The following WEE2 variants were observed in gnomAD, a reference collection of about 807,000 sequenced individuals.
The protein encoded by WEE2 is wee1-like protein kinase 2.
In WEE2, 50 loss-of-function variants were observed where a neutral mutation model predicts 60.1. That is an observed-to-expected ratio of 0.83 (90% CI 0.66 to 1.05). The LOEUF (loss-of-function observed/expected upper bound fraction) is 1.05, where lower values mean the gene tolerates loss of function less well. WEE2 is among the 50% of genes least tolerant of loss of function. The pLI is 0.00. For missense variants in WEE2, 631 were observed against 684.3 expected, an observed-to-expected ratio of 0.92 and a Z score of 0.87; for synonymous variants, 240 against 241.0, an observed-to-expected ratio of 1.00 and a Z score of 0.04.
chr7:141,721,378 C>A (rs1395259447), intron 5 of WEE2, among the ~76,000 whole-genome samples: 1 of 152,184 alleles, frequency 6.6e-6, no homozygotes, highest in Non-Finnish European at 1.5e-5. Flanking sequence ...GGTAGAGAAA[C>A]CAGAGCTTTG....
chr7:141,720,232 T>C (rs1344656129), intron 4 of WEE2, among the ~76,000 whole-genome samples: 2 of 140,866 alleles, frequency 1.4e-5, no homozygotes, highest in African/African-American at 2.6e-5. Context: ...CTTGGCTCAC[T>C]GCAACCTCTG....
At chr7:141,714,004 T>C (rs1798750833) in intron 1 of WEE2, among the ~76,000 whole-genome samples, 1 of 152,206 alleles carries the variant, frequency 6.6e-6, no homozygotes, top group South Asian at 2.1e-4. Context: ...GTTGACTTCA[T>C]GAATCAGAAT....
Position 141,725,170 on chromosome 7 carries a change from T to C in WEE2, c.1366T>C (p.Ser456Pro). Reference protein sequence around the residue: ...GNFPDVPQELSESFSSLLKNM... With the variant: ...GNFPDVPQELPESFSSLLKNM... ...CTTTCCGGACGTTCCTCAGGAGCTC[T>C]CAGAAAGCTTTTCCAGTCTGCTCAA... The change falls in exon 9 of 12, where the codon TCA becomes CCA. Residue 456 changes from serine (S) to proline (P), a missense_variant. Transcript: ENST00000397541. 6.2e-7 allele frequency: 1 copy of C among 1,614,124 alleles called. No homozygotes were observed. The highest frequency in any genetic ancestry group is 8.5e-7 in the Non-Finnish European group (1 of 1,179,994).
At chr7:141,715,016 G>A (rs957741178) in intron 2 of WEE2, among the ~76,000 whole-genome samples, 9 of 152,092 alleles carry the variant, frequency 5.9e-5, no homozygotes, top group Non-Finnish European at 8.8e-5. Flanking sequence ...GAATGGAATC[G>A]CCTCCAAAGT....
chr7:141,713,372 C>T (rs1798739660), intron 1 of WEE2, among the ~76,000 whole-genome samples: 2 of 152,164 alleles, frequency 1.3e-5, no homozygotes, highest in African/African-American at 4.8e-5. Flanking sequence ...TCCTCTGGCC[C>T]CTGACATCAG....
In WEE2 at chr7:141,719,214, C is replaced by T. The variant is rs1798860650; in HGVS notation, c.728C>T (p.Ser243Phe). Reference protein sequence around the residue: ...LDGCVYAIKRSMKTFTELSNE... With the variant: ...LDGCVYAIKRFMKTFTELSNE... ...GGATGTGTTTATGCAATAAAGCGCT[C>T]TATGAAAACTTTTACAGAATTATCA... is the stretch of plus-strand genomic sequence containing the variant. Residue 243 changes from serine to phenylalanine, a missense_variant, in exon 4 of 12, where the codon TCT (serine) becomes TTT (phenylalanine). Physicochemically the swap from Ser to Phe is radical, Grantham distance 155. Transcript: ENST00000397541. 2 of 1,609,982 alleles carry T rather than the reference C, an allele frequency of 1.2e-6. No homozygotes were observed. Among genetic ancestry groups the T allele is most frequent in the South Asian group, 1.1e-5 (1 of 90,056 alleles).
chr7:141,731,049 T>G lies in WEE2; in HGVS notation c.*729T>G, dbSNP rs970278017. ...TGAGTGGGTCAGTAGTAACAGGTCT[T>G]GGTGGCAAGTCTCAGCTTCACAGTT... On this transcript the variant is annotated 3_prime_UTR_variant, in exon 12 of 12. Coordinates refer to ENST00000397541, the MANE Select transcript of WEE2 (RefSeq NM_001105558.1). 1 of 152,170 alleles carries G rather than the reference T, an allele frequency of 6.6e-6. No individual in the cohort carries two copies. The highest frequency in any genetic ancestry group is 1.5e-5 in the Non-Finnish European group (1 of 68,036). The allele number at this position is 152,170 out of a possible 1,614,324, so 9.4% of individuals were successfully genotyped here. A position where few individuals can be genotyped will look rare whatever the true frequency, so the allele number is the denominator to read the frequency against.
At chr7:141,723,375 C>A in intron 6 of WEE2, 95 bp downstream of exon 6, 1 of 1,373,362 alleles carries the variant, frequency 7.3e-7, no homozygotes, top group Non-Finnish European at 9.9e-7. Context: ...GTGTCAAGGA[C>A]GGTGTTTGCT....
intron 1 of WEE2, 122 bp downstream of exon 1, chr7:141,709,222 T>C: frequency 1.5e-6 from 1 of 682,148 alleles, no homozygotes; most frequent in Non-Finnish European, 2.5e-6. Flanking sequence ...TATCCTCAAT[T>C]ACACATTTAT....
chr7:141,716,412 C>T, intron 3 of WEE2, 145 bp downstream of exon 3: 1 of 731,998 alleles, frequency 1.4e-6, no homozygotes, highest in Non-Finnish European at 2.3e-6. Context: ...CTCCCCTCCT[C>T]TCCTTCACCC....
At chr7:141,724,957 C>T in intron 8 of WEE2, 69 bp from the exon 9 acceptor site, 1 of 1,529,042 alleles carries the variant, frequency 6.5e-7, no homozygotes. Context: ...CCTTTCCTAC[C>T]AGTTATATTT....
chr7:141,716,120 A>T, intron 2 of WEE2, 102 bp from the exon 3 acceptor site: 1 of 1,004,214 alleles, frequency 1.0e-6, no homozygotes, highest in Non-Finnish European at 1.5e-6. Flanking sequence ...AACCGAAGAG[A>T]AATGAATTGT....
At position 141,724,002 on chromosome 7, in the gene WEE2, A is replaced by C; in HGVS notation, c.1089A>C (p.Glu363Asp). 1.2e-6 allele frequency: 2 copies of C among 1,613,674 alleles called. No homozygotes were observed. Among genetic ancestry groups the C allele is most frequent in the Non-Finnish European group, 1.7e-6 (2 of 1,179,854 alleles). ...CCTCTGGAGTCATAGAAGAAGTTGA[A>C]AATGAAGCTGATTGGTTTCTCTCTG... ...SESSGVIEEV[E>D]NEADWFLSAN... The change falls in exon 7 of 12, where the codon GAA (glutamate) becomes GAC (aspartate). Residue 363 changes from glutamate (E) to aspartate (D), a missense_variant. Glu to Asp is a conservative substitution (Grantham distance 45). Coordinates refer to ENST00000397541, the MANE Select transcript of WEE2 (RefSeq NM_001105558.1).
chr7:141,714,544 G>T (rs1408428808), intron 2 of WEE2, 139 bp downstream of exon 2: 2 of 645,158 alleles, frequency 3.1e-6, no homozygotes, highest in African/African-American at 3.7e-5. Context: ...CCCCTTCCTA[G>T]ATATCAATGC....
intron 4 of WEE2, among the ~76,000 whole-genome samples, chr7:141,719,919 A>T (rs192102186): frequency 6.6e-6 from 1 of 152,268 alleles, no homozygotes; most frequent in Non-Finnish European, 1.5e-5. Flanking sequence ...TCACTGGTTT[A>T]TCTTTACTTT....
At chr7:141,709,715 CAAAGAGG>C (rs1798682616) in intron 1 of WEE2, among the ~76,000 whole-genome samples, 1 of 152,192 alleles carries the variant, frequency 6.6e-6, no homozygotes, top group Non-Finnish European at 1.5e-5. Context: ...TATATGTCAG[CAAAGAGG>C]AAACTTGTTG....
intron 8 of WEE2, 152 bp from the exon 9 acceptor site, chr7:141,724,874 T>C (rs1226550448): frequency 1.3e-5 from 12 of 889,940 alleles, no homozygotes; most frequent in African/African-American, 3.4e-5. Flanking sequence ...CTCTCTTCTC[T>C]AGAAATCACT....
intron 1 of WEE2, among the ~76,000 whole-genome samples, chr7:141,712,090 A>G (rs1259435813): frequency 2.0e-5 from 3 of 152,094 alleles, no homozygotes; most frequent in African/African-American, 7.2e-5. Flanking sequence ...ACCAGGATTC[A>G]AGCATCAGGG....
At chr7:141,718,988 A>C (rs971374617) in intron 3 of WEE2, 84 bp from the exon 4 acceptor site, 1 of 1,345,628 alleles carries the variant, frequency 7.4e-7, no homozygotes, top group Non-Finnish European at 1.0e-6. Context: ...AACTTGGAGC[A>C]ACTTAGGACT....
Sources: gnomAD v4.1 joint callset for allele counts (sites outside exome capture counted in the v4.1 genomes callset) on GRCh38, gnomAD v4.1.1 for gene constraint, MANE v1.5 for transcripts, NCBI Gene and HGNC (gene_info 2026-07-23, HGNC 2026-07-21) for gene names.